Variants in MGST2 observed in about 807,000 individuals in gnomAD.
The protein encoded by MGST2 is glutathione peroxidase MGST2.
Under a neutral mutation model 16.6 loss-of-function variants are expected in MGST2, and 9 were observed. The ratio of observed to expected loss-of-function variants is 0.54; its 90% CI spans 0.33 to 0.95. MGST2 has a LOEUF of 0.95. Among genes scored for constraint, MGST2 ranks in the 40% least tolerant of loss-of-function variants. The probability of loss-of-function intolerance (pLI) is 0.03; values close to 1 mark genes in which losing one functional copy is unlikely to be tolerated. For synonymous variants in MGST2, 79 were observed against 68.0 expected (o/e 1.16, Z -0.79); for missense variants, 159 against 175.1 (o/e 0.91, Z 0.52).
chr4:139,683,958 C>T (rs1731411000), intron 2 of MGST2, among the ~76,000 whole-genome samples: 1 of 146,918 alleles, frequency 6.8e-6, no homozygotes, highest in Admixed American at 6.8e-5. Flanking sequence ...GGAGTCTCAC[C>T]CTGTCACCCA....
intron 5 of MGST2, among the ~76,000 whole-genome samples, chr4:139,729,156 C>A (rs887854094): frequency 4.5e-3 from 370 of 81,638 alleles, no homozygotes; most frequent in Non-Finnish European, 5.2e-3. Flanking sequence ...GGAACAAAAG[C>A]AAAAAAAAAA....
the MGST2 span, among the ~76,000 whole-genome samples, chr4:139,748,210 A>C: frequency 1.3e-5 from 2 of 152,232 alleles, no homozygotes; most frequent in South Asian, 4.1e-4. Flanking sequence ...TACATTGTCC[A>C]GGGCCTAAAC....
At chr4:139,666,107 CGCGTGTGT>C (rs33930474) in intron 1 of MGST2, 30 bp downstream of exon 1, 1 of 1,174,860 alleles carries the variant, frequency 8.5e-7, no homozygotes, top group Non-Finnish European at 1.1e-6. Flanking sequence ...CGTGTGTGTG[CGCGTGTGT>C]GCGTGTGTGT....
chr4:139,679,290 A>G (rs1175492156), intron 2 of MGST2, among the ~76,000 whole-genome samples: 1 of 152,174 alleles, frequency 6.6e-6, no homozygotes, highest in Non-Finnish European at 1.5e-5. Context: ...CACCACTGAT[A>G]TATCATTGGG....
At chr4:139,684,841 GAAGTCCCT>G in intron 2 of MGST2, among the ~76,000 whole-genome samples, 1 of 152,296 alleles carries the variant, frequency 6.6e-6, no homozygotes, top group South Asian at 2.1e-4. Context: ...TATTATTCCT[GAAGTCCCT>G]AACAGTCTCT....
intron 5 of MGST2, among the ~76,000 whole-genome samples, chr4:139,729,277 A>G (rs1728604867): frequency 6.6e-6 from 1 of 151,444 alleles, no homozygotes; most frequent in Admixed American, 6.6e-5. Flanking sequence ...AGGGACCTCC[A>G]TGGGCCCGTG....
chr4:139,754,100 G>A, the MGST2 span, among the ~76,000 whole-genome samples: 5 of 152,210 alleles, frequency 3.3e-5, no homozygotes, highest in Non-Finnish European at 1.5e-5. Flanking sequence ...TAGTTGAATA[G>A]TAACATATAA....
At chr4:139,683,951 G>T (rs1236513529) in intron 2 of MGST2, among the ~76,000 whole-genome samples, 3 of 133,296 alleles carry the variant, frequency 2.3e-5, no homozygotes, top group Non-Finnish European at 3.1e-5. Context: ...TTGAGATGGA[G>T]TCTCACCCTG....
At position 139,719,314 on chromosome 4, in the gene MGST2, C is replaced by A. The variant is rs1275824807; in HGVS notation, c.*48+15118C>A. 4 of 1,555,572 alleles carry A rather than the reference C, an allele frequency of 2.6e-6. No individual in the cohort carries two copies. In the South Asian group the frequency reaches 4.9e-5, roughly 19 times the overall value. On this transcript the variant is annotated intron_variant, in intron 5 of 5. Transcript: ENST00000616265. ...CCACTCGAGTTGTGGATCTTGGGGCCTCTCTTGATTAGGGGTTACCAAACA... is the reference window on the plus strand; with the variant it reads ...CCACTCGAGTTGTGGATCTTGGGGCATCTCTTGATTAGGGGTTACCAAACA...
At chr4:139,736,155 A>C (rs1728936562) in intron 5 of MGST2, among the ~76,000 whole-genome samples, 1 of 152,190 alleles carries the variant, frequency 6.6e-6, no homozygotes, top group African/African-American at 2.4e-5. Flanking sequence ...GAATTGGGTC[A>C]AGTAAAAAAA....
intron 1 of MGST2, among the ~76,000 whole-genome samples, chr4:139,666,361 C>A (rs1730351428): frequency 6.6e-6 from 1 of 152,120 alleles, no homozygotes; most frequent in African/African-American, 2.4e-5. Flanking sequence ...TCTGCATCAT[C>A]TGTGATTACG....
In MGST2 at chr4:139,680,665, G is replaced by A. The variant is rs72945084; in HGVS notation, c.158+2023G>A. On this transcript the variant is annotated intron_variant, in intron 2 of 4. Coordinates refer to ENST00000265498, the MANE Select transcript of MGST2 (RefSeq NM_002413.5). ...CCCTTCAGAAGCTTCCTGAGAAAGG[G>A]TGAATGTTTGGTAAAGTTTTGAGAC... Among the ~76,000 whole-genome samples, 500 of 152,276 alleles carry A rather than the reference G, an allele frequency of 3.3e-3. 4 individuals are homozygous for A. The highest frequency in any genetic ancestry group is 0.012 in the African/African-American group (480 of 41,550).
chr4:139,666,186 T>C, intron 1 of MGST2, 109 bp downstream of exon 1: 5 of 1,192,944 alleles, frequency 4.2e-6, no homozygotes, highest in Non-Finnish European at 6.1e-6. Context: ...CGGTGTTTTG[T>C]TTCCTACTTG....
At chr4:139,719,503 G>A in intron 5 of MGST2, 5 of 1,613,990 alleles carry the variant, frequency 3.1e-6, no homozygotes, top group Middle Eastern at 3.3e-4. Flanking sequence ...CTTGGCTCTG[G>A]CTGCTTGGAG....
the MGST2 span, among the ~76,000 whole-genome samples, chr4:139,747,460 G>T: frequency 3.2e-4 from 48 of 152,226 alleles, no homozygotes; most frequent in African/African-American, 1.1e-3. Flanking sequence ...TTGGGAGGCC[G>T]AGGCAGGTGG....
intron 3 of MGST2, chr4:139,698,568 C>T: frequency 2.6e-6 from 2 of 784,068 alleles, no homozygotes; most frequent in Non-Finnish European, 4.3e-6. Context: ...ACAGAGACCT[C>T]CTTACTTACC....
rs1351634922 is a variant in MGST2, at chr4:139,692,252, A to C, written c.159-2945A>C. 1.3e-5 allele frequency among the ~76,000 whole-genome samples: 2 copies of C among 152,202 alleles called. 1 individual carries two copies. The highest frequency in any genetic ancestry group is 2.9e-5 in the Non-Finnish European group (2 of 68,038). ...GTACTCCAGGTGTTGCCATCCTGTG[A>C]GCACAAACGCAGCTGCAATCACATC... On this transcript the variant is annotated intron_variant, in intron 2 of 4. Transcript: ENST00000265498.
At chr4:139,700,027 G>A (rs1203366753) in intron 3 of MGST2, among the ~76,000 whole-genome samples, 1 of 151,026 alleles carries the variant, frequency 6.6e-6, no homozygotes, top group Non-Finnish European at 1.5e-5. Context: ...GTGAGACCCT[G>A]TCTCAAAAAG....
At chr4:139,749,946 T>G in the MGST2 span, among the ~76,000 whole-genome samples, 17 of 142,772 alleles carry the variant, frequency 1.2e-4, no homozygotes, top group African/African-American at 2.6e-4. Flanking sequence ...AACTTAAGAA[T>G]AAGAAAAGAG....
Sources: allele counts gnomAD v4.1 joint callset (sites outside exome capture counted in the v4.1 genomes callset), GRCh38; gene constraint gnomAD v4.1.1; transcripts MANE v1.5; gene names NCBI Gene and HGNC (gene_info 2026-07-23, HGNC 2026-07-21).